The following PTAFR variants were observed in gnomAD, a reference collection of about 807,000 sequenced individuals.
PTAFR encodes platelet-activating factor receptor.
Under a neutral mutation model 14.7 loss-of-function variants are expected in PTAFR, and 8 were observed. That is an observed-to-expected ratio of 0.54 (90% CI 0.32 to 0.98). The LOEUF is 0.98. Among genes scored for constraint, PTAFR ranks in the 50% least tolerant of loss-of-function variants. PTAFR has a pLI of 0.04. For missense variants in PTAFR, 337 were observed against 451.2 expected (o/e 0.75, Z 2.29); for synonymous variants, 156 against 176.5 (o/e 0.88, Z 0.92).
chr1:28,154,247 T>C (rs1646236000), intron 1 of PTAFR, among the ~76,000 whole-genome samples: 1 of 152,056 alleles, frequency 6.6e-6, no homozygotes, highest in Non-Finnish European at 1.5e-5. Flanking sequence ...TGCTACAGAA[T>C]AGGAAGCTGA....
upstream of PTAFR, among the ~76,000 whole-genome samples, chr1:28,181,517 C>T (rs568316626): frequency 3.3e-5 from 5 of 151,976 alleles, no homozygotes; most frequent in African/African-American, 9.7e-5. Flanking sequence ...GAGGCTGAGG[C>T]GGGCGGATCA....
chr1:28,159,953 C>T (rs918105467), intron 1 of PTAFR, among the ~76,000 whole-genome samples: 2 of 152,014 alleles, frequency 1.3e-5, no homozygotes. Flanking sequence ...GGTGCTCATG[C>T]CTGGTCTCAG....
intron 1 of PTAFR, among the ~76,000 whole-genome samples, chr1:28,192,679 G>A (rs1224911455): frequency 6.6e-6 from 1 of 150,890 alleles, no homozygotes; most frequent in Non-Finnish European, 1.5e-5. Context: ...ACAGAGTCTC[G>A]CTCTGTGCCC....
chr1:28,150,303 A>G lies in PTAFR; in HGVS notation c.719T>C (p.Val240Ala). ...ALWMVCTVLA[V>A]FIICFVPHHV... ...GTGGGGCACGAAGCAGATGATGAAC[A>G]CCGCCAAGACCGTGCACACCATCCA... Residue 240 changes from valine (V) to alanine (A), a missense_variant, in exon 2 of 2, where the codon GTG becomes GCG. Val to Ala is a moderately conservative substitution (Grantham distance 64). Coordinates refer to ENST00000373857, the MANE Select transcript of PTAFR (RefSeq NM_000952.5). This position sits in a 1 kb window ranked among gnomAD's most constrained non-coding sequence, Gnocchi z 6.3. 1 of 1,612,406 alleles carries G rather than the reference A, an allele frequency of 6.2e-7. No individual in the cohort carries two copies. The highest frequency in any genetic ancestry group is 2.2e-5 in the East Asian group (1 of 44,846).
At chr1:28,162,901 A>G (rs953968402) in intron 1 of PTAFR, among the ~76,000 whole-genome samples, 3 of 151,758 alleles carry the variant, frequency 2.0e-5, no homozygotes, top group Non-Finnish European at 2.9e-5. Flanking sequence ...ACGCACCGAA[A>G]TCTGAGACAT....
intron 1 of PTAFR, among the ~76,000 whole-genome samples, chr1:28,152,412 G>A (rs1253355677): frequency 6.6e-6 from 1 of 151,990 alleles, no homozygotes; most frequent in East Asian, 1.9e-4. Context: ...GACCAGCCTG[G>A]CCAACATGGT....
chr1:28,158,110 A>G (rs1646286416), intron 1 of PTAFR, among the ~76,000 whole-genome samples: 1 of 152,132 alleles, frequency 6.6e-6, no homozygotes, highest in African/African-American at 2.4e-5. Context: ...CTCACAGGCC[A>G]TTTTGCAAGA....
chr1:28,165,769 C>T (rs313148), intron 1 of PTAFR, among the ~76,000 whole-genome samples: 4 of 151,312 alleles, frequency 2.6e-5, no homozygotes, highest in Admixed American at 6.6e-5. Context: ...GGTGACAGAG[C>T]GAGACTCTGT....
At chr1:28,158,554 C>T (rs1250925828) in intron 1 of PTAFR, among the ~76,000 whole-genome samples, 2 of 152,044 alleles carry the variant, frequency 1.3e-5, no homozygotes, top group East Asian at 3.8e-4. Context: ...AAAAATTAGC[C>T]GGGTGTGGTG....
intron 1 of PTAFR, among the ~76,000 whole-genome samples, chr1:28,175,721 C>T (rs66874503): frequency 1.3e-5 from 2 of 152,070 alleles, no homozygotes; most frequent in African/African-American, 4.8e-5. Context: ...TTCAGCACCC[C>T]CTTCCCCACC....
chr1:28,154,810 T>TTA (rs1646243556), intron 1 of PTAFR, among the ~76,000 whole-genome samples: 2 of 8,924 alleles, frequency 2.2e-4, no homozygotes, highest in Non-Finnish European at 3.8e-4. Context: ...AGACTCTGTC[T>TTA]CAAAAAAAAA....
intron 1 of PTAFR, among the ~76,000 whole-genome samples, chr1:28,168,176 T>A (rs2148999988): frequency 6.7e-6 from 1 of 149,292 alleles, no homozygotes; most frequent in Non-Finnish European, 1.5e-5. Flanking sequence ...TTTCACCGTG[T>A]TAGCCAGGAT....
At chr1:28,175,714 A>G (rs1572044898) in intron 1 of PTAFR, among the ~76,000 whole-genome samples, 1 of 152,078 alleles carries the variant, frequency 6.6e-6, no homozygotes, top group Non-Finnish European at 1.5e-5. Context: ...GGTTATTTTC[A>G]GCACCCCCTT....
intron 1 of PTAFR, among the ~76,000 whole-genome samples, chr1:28,183,204 A>G (rs1284412003): frequency 6.6e-6 from 1 of 152,162 alleles, no homozygotes; most frequent in Non-Finnish European, 1.5e-5. Flanking sequence ...ATCTCATTCA[A>G]TGGAGACGGA....
upstream of PTAFR, chr1:28,176,707 T>A (rs1646519272): frequency 6.5e-6 from 1 of 152,720 alleles, no homozygotes; most frequent in Admixed American, 6.6e-5. Flanking sequence ...ACAGAGCGTA[T>A]CACTACCAAG....
chr1:28,162,138 G>A (rs577237754), intron 1 of PTAFR, among the ~76,000 whole-genome samples: 35 of 152,246 alleles, frequency 2.3e-4, no homozygotes, highest in African/African-American at 7.9e-4. Flanking sequence ...CTTCAGTGTC[G>A]CTAAGCAGGC....
At position 28,150,277 on chromosome 1, in the gene PTAFR, G is replaced by C. The variant is rs767634711; in HGVS notation, c.745C>G (p.His249Asp). ...AVFIICFVPH[H>D]VVQLPWTLAE... The stretch of plus-strand genomic sequence containing the variant: ...AGGGTCCAGGGCAGCTGCACCACGT[G>C]GTGGGGCACGAAGCAGATGATGAAC... Residue 249 changes from histidine to aspartate, a missense_variant, in exon 2 of 2, where the codon CAC becomes GAC. Coordinates refer to ENST00000373857, the MANE Select transcript of PTAFR (RefSeq NM_000952.5). This position sits in a 1 kb window ranked among gnomAD's most constrained non-coding sequence, Gnocchi z 6.3. 10 of 1,612,112 alleles carry C rather than the reference G, an allele frequency of 6.2e-6. No individual in the cohort carries two copies. The highest frequency in any genetic ancestry group is 1.7e-5 in the Admixed American group (1 of 59,984).
chr1:28,150,169 T>C lies in PTAFR; in HGVS notation c.853A>G (p.Asn285Asp). Residue 285 changes from asparagine (N) to aspartate (D), a missense_variant, in exon 2 of 2, where the codon AAC becomes GAC. Transcript: ENST00000373857. This position sits in a 1 kb window ranked among gnomAD's most constrained non-coding sequence, Gnocchi z 6.3. ...TAGATAACAGGGTCTAAGACACAGT[T>C]GGTGCTAAGGAGGCAGAGGGTGACC... ...HQVTLCLLST[N>D]CVLDPVIYCF... The C allele has an allele frequency of 6.2e-7, 1 of 1,614,160 alleles. No homozygotes were observed. Among genetic ancestry groups the C allele is most frequent in the Non-Finnish European group, 8.5e-7 (1 of 1,180,034 alleles).
intron 1 of PTAFR, among the ~76,000 whole-genome samples, chr1:28,151,293 C>T (rs555423924): frequency 6.6e-5 from 10 of 152,198 alleles, no homozygotes; most frequent in African/African-American, 2.2e-4. Flanking sequence ...GATTCTCCTG[C>T]CTCAGCCTCC....
Sources: gnomAD v4.1 joint callset for allele counts (sites outside exome capture counted in the v4.1 genomes callset) on GRCh38, gnomAD v4.1.1 for gene constraint, Gnocchi (gnomAD v3.1) non-coding constraint, MANE v1.5 for transcripts, NCBI Gene and HGNC (gene_info 2026-07-23, HGNC 2026-07-21) for gene names.